ATP2B2: variants seen among roughly 807,000 people sequenced by gnomAD.
ATP2B2 encodes plasma membrane calcium-transporting ATPase 2.
A neutral mutation model predicts 120.0 loss-of-function variants in ATP2B2; 15 were observed. That is an observed-to-expected ratio of 0.12 (90% CI 0.08 to 0.19). The LOEUF (loss-of-function observed/expected upper bound fraction) is 0.19, where lower values mean the gene tolerates loss of function less well. Among genes scored for constraint, ATP2B2 ranks in the 10% least tolerant of loss-of-function variants. The pLI is 1.00. For missense variants in ATP2B2, 1,045 were observed against 1,719.8 expected, an observed-to-expected ratio of 0.61 and a Z score of 6.94; for synonymous variants, 694 against 700.3, an observed-to-expected ratio of 0.99 and a Z score of 0.14.
At position 10,628,597 on chromosome 3, in the gene ATP2B2, A is replaced by T. The variant is rs375088941; in HGVS notation, c.-459-8636T>A. On this transcript the variant is annotated intron_variant, in intron 1 of 21. Coordinates refer to the ATP2B2 transcript ENST00000646379. ...AATAGTGAAAGTGATGGCATTCACA[A>T]TTCCGACCCATGGACTTCACTGTTT... is the stretch of plus-strand genomic sequence containing the variant. 4.7e-4 allele frequency among the ~76,000 whole-genome samples: 72 copies of T among 152,162 alleles called. 2 individuals are homozygous for T. Among genetic ancestry groups the T allele is most frequent in the Non-Finnish European group, 2.9e-5 (2 of 68,036 alleles).
At chr3:10,491,617 C>T (rs993764840) in intron 1 of ATP2B2, among the ~76,000 whole-genome samples, 1 of 152,180 alleles carries the variant, frequency 6.6e-6, no homozygotes, top group South Asian at 2.1e-4. Flanking sequence ...GTCATCTACA[C>T]GGGCTTCTGC....
At chr3:10,584,139 A>T (rs1339616035) in intron 2 of ATP2B2, among the ~76,000 whole-genome samples, 4 of 151,862 alleles carry the variant, frequency 2.6e-5, no homozygotes, top group African/African-American at 7.3e-5. Context: ...GAGGCAGAGC[A>T]GGAGCTGCCC....
At chr3:10,384,443 G>C (rs1359533459) in intron 8 of ATP2B2, among the ~76,000 whole-genome samples, 2 of 152,216 alleles carry the variant, frequency 1.3e-5, no homozygotes, top group Non-Finnish European at 2.9e-5. Context: ...GGGGATAGGG[G>C]TGGTATCTGA....
At chr3:10,400,414 C>G (rs1204829739) in intron 5 of ATP2B2, among the ~76,000 whole-genome samples, 1 of 152,218 alleles carries the variant, frequency 6.6e-6, no homozygotes, top group African/African-American at 2.4e-5. Flanking sequence ...AAGGCCAGCT[C>G]CTCCTCATCA....
chr3:10,411,222 G>A (rs2062599243), intron 2 of ATP2B2, among the ~76,000 whole-genome samples: 1 of 152,186 alleles, frequency 6.6e-6, no homozygotes, highest in Non-Finnish European at 1.5e-5. Context: ...CAGAGGCAGA[G>A]TTTGGAGTGA....
intron 1 of ATP2B2, among the ~76,000 whole-genome samples, chr3:10,707,290 G>C (rs1275108532): frequency 6.6e-6 from 1 of 152,216 alleles, no homozygotes; most frequent in Non-Finnish European, 1.5e-5. Context: ...GCTGTGGCCA[G>C]GGGGGCCAGG....
intron 21 of ATP2B2, chr3:10,338,587 G>A (rs1574945823): frequency 1.8e-6 from 1 of 554,318 alleles, no homozygotes; most frequent in East Asian, 3.2e-5. Context: ...AGGCTGGAGT[G>A]CAATTTGCTT....
chr3:10,596,544 T>C (rs1250710528), intron 2 of ATP2B2, among the ~76,000 whole-genome samples: 1 of 152,216 alleles, frequency 6.6e-6, no homozygotes, highest in Non-Finnish European at 1.5e-5. Context: ...ATGCCCCATA[T>C]AACAGATGCA....
At chr3:10,625,252 C>T (rs74632823) in intron 1 of ATP2B2, among the ~76,000 whole-genome samples, 1 of 152,084 alleles carries the variant, frequency 6.6e-6, no homozygotes, top group Non-Finnish European at 1.5e-5. Context: ...TTTTCTTTTT[C>T]CTGATTATAC....
At chr3:10,366,001 C>G (rs962717957) in intron 12 of ATP2B2, among the ~76,000 whole-genome samples, 2 of 152,044 alleles carry the variant, frequency 1.3e-5, no homozygotes, top group Non-Finnish European at 2.9e-5. Context: ...AAGCAAAACC[C>G]TTGTTGAATT....
At chr3:10,621,656 T>C (rs1274223612) in intron 1 of ATP2B2, among the ~76,000 whole-genome samples, 4 of 152,154 alleles carry the variant, frequency 2.6e-5, no homozygotes, top group Non-Finnish European at 4.4e-5. Context: ...CCTTTGACAA[T>C]AGCAATCTTA....
chr3:10,581,972 A>T (rs2068400870), intron 2 of ATP2B2, among the ~76,000 whole-genome samples: 2 of 152,202 alleles, frequency 1.3e-5, no homozygotes, highest in Admixed American at 1.3e-4. Context: ...TTTCGCCCCA[A>T]ATGATTCCCA....
At chr3:10,372,203 T>G in intron 11 of ATP2B2, 152 bp from the exon 12 acceptor site, 1 of 1,070,974 alleles carries the variant, frequency 9.3e-7, no homozygotes, top group Non-Finnish European at 1.4e-6. Flanking sequence ...TCTTGGTTGC[T>G]GCTGCCTCCT....
chr3:10,570,500 G>A (rs1266991072), intron 2 of ATP2B2: 1 of 152,184 alleles, frequency 6.6e-6, no homozygotes, highest in African/African-American at 2.4e-5. Context: ...CCAGTAGGCC[G>A]GGCTGGAGCC....
At chr3:10,580,371 T>C (rs1231872951) in intron 2 of ATP2B2, among the ~76,000 whole-genome samples, 1 of 152,142 alleles carries the variant, frequency 6.6e-6, no homozygotes, top group East Asian at 1.9e-4. Flanking sequence ...GGGGTTTCTG[T>C]GTGTCTTGCT....
At chr3:10,359,783 G>C in intron 13 of ATP2B2, 99 bp downstream of exon 13, 1 of 1,557,544 alleles carries the variant, frequency 6.4e-7, no homozygotes, top group Non-Finnish European at 8.8e-7. Flanking sequence ...AGGCTGCTGA[G>C]CCTGGCCTGG....
At chr3:10,688,258 A>G (rs1476265630) in intron 1 of ATP2B2, among the ~76,000 whole-genome samples, 1 of 152,186 alleles carries the variant, frequency 6.6e-6, no homozygotes, top group African/African-American at 2.4e-5. Flanking sequence ...TCAAATGCAA[A>G]GACCCAGAAA....
rs373059943 is a variant in ATP2B2, at chr3:10,670,674, G to C, written c.-460+37241C>G. Among the ~76,000 whole-genome samples, 68 of 152,270 alleles carry C rather than the reference G, an allele frequency of 4.5e-4. No homozygotes were observed. In the East Asian group the frequency reaches 0.013, roughly 29 times the overall value. ...GACCTCAGGTGATCCGCCTGCCTTG[G>C]CCTCCCAAAGTGCTGGGATTATAGG... On this transcript the variant is annotated intron_variant, in intron 1 of 21. Coordinates refer to the ATP2B2 transcript ENST00000646379.
At chr3:10,675,742 G>A (rs1193643045) in intron 1 of ATP2B2, among the ~76,000 whole-genome samples, 1 of 152,146 alleles carries the variant, frequency 6.6e-6, no homozygotes, top group Non-Finnish European at 1.5e-5. Context: ...CCTGGTGATC[G>A]GCCTGTCTTC....
Sources: gnomAD v4.1 joint callset for allele counts (sites outside exome capture counted in the v4.1 genomes callset) on GRCh38, gnomAD v4.1.1 for gene constraint, MANE v1.5 for transcripts, NCBI Gene and HGNC (gene_info 2026-07-23, HGNC 2026-07-21) for gene names.